PRDM11: variants seen among roughly 807,000 people sequenced by gnomAD.
The protein encoded by PRDM11 is PR/SET domain 11, also known as PR domain-containing protein 11.
PRDM11 carries 20 observed loss-of-function variants against 97.8 expected under a neutral mutation model. That is an observed-to-expected ratio of 0.20 (90% confidence interval 0.14 to 0.30). The LOEUF (loss-of-function observed/expected upper bound fraction) is 0.30. PRDM11 is among the 10% of genes least tolerant of loss of function. The pLI, the probability that PRDM11 is intolerant of heterozygous loss-of-function variation, is 1.00. For missense variants in PRDM11, 1,139 were observed against 1,555.2 expected (o/e 0.73, Z 4.50); for synonymous variants, 599 against 637.7 (o/e 0.94, Z 0.91).
At chr11:45,111,339 A>T (rs572740485) in intron 1 of PRDM11, among the ~76,000 whole-genome samples, 9 of 56,070 alleles carry the variant, frequency 1.6e-4, no homozygotes, top group African/African-American at 3.0e-4. Flanking sequence ...CCTCTATGCC[A>T]AACGGCATTC....
intron 1 of PRDM11, among the ~76,000 whole-genome samples, chr11:45,115,206 TCTTA>T (rs1852275475): frequency 1.3e-5 from 2 of 152,000 alleles, no homozygotes; most frequent in Admixed American, 6.6e-5. Flanking sequence ...AAGCAAAGGT[TCTTA>T]CTTTGATGTG....
intron 1 of PRDM11, among the ~76,000 whole-genome samples, chr11:45,107,723 T>G (rs67712140): frequency 6.6e-6 from 1 of 152,124 alleles, no homozygotes; most frequent in Admixed American, 6.5e-5. Flanking sequence ...TAGTGTTAAA[T>G]GAACTGATAG....
intron 1 of PRDM11, among the ~76,000 whole-genome samples, chr11:45,149,115 G>A (rs1851597790): frequency 6.6e-6 from 1 of 152,134 alleles, no homozygotes; most frequent in Admixed American, 6.5e-5. Flanking sequence ...CCCCAGTGTT[G>A]TAGTCAAGCC....
Position 45,232,038 on chromosome 11 carries a change from A to G in PRDM11, c.*3879A>G, listed in dbSNP as rs1250451204. On this transcript the variant is annotated 3_prime_UTR_variant, in exon 8 of 8. Transcript: ENST00000683152. ...ACCTCAGCCTCTGCCACATGTTTCCAAGTTGAGTTGTTTTGCTGAGGTGGT... is the reference window on the plus strand; with the variant it reads ...ACCTCAGCCTCTGCCACATGTTTCCGAGTTGAGTTGTTTTGCTGAGGTGGT... The G allele has an allele frequency of 6.6e-6, 1 of 152,112 alleles. No individual in the cohort carries two copies. The highest frequency in any genetic ancestry group is 1.9e-4 in the East Asian group (1 of 5,186). 9.4% of individuals were successfully genotyped at this position (152,112 alleles called of 1,614,324 possible).
intron 1 of PRDM11, among the ~76,000 whole-genome samples, chr11:45,114,865 A>G (rs1400044264): frequency 2.0e-5 from 3 of 152,120 alleles, no homozygotes; most frequent in African/African-American, 7.2e-5. Context: ...AAATCCATAA[A>G]CATGGGGAAA....
rs577245261 is a variant in PRDM11 at position 45,219,565 on chromosome 11, AC to A, written c.555-3del. Reference sequence around the variant, plus strand: ...GCGTTCTCACCTGTCTCCCCTCCCCACCAGGTACGTGGTCATCTCCCGGGAG... The same window carrying A: ...GCGTTCTCACCTGTCTCCCCTCCCCACAGGTACGTGGTCATCTCCCGGGAG... On this transcript the variant is annotated splice_polypyrimidine_tract_variant and splice_region_variant and intron_variant, in intron 5 of 7. Coordinates refer to ENST00000683152, the MANE Select transcript of PRDM11 (RefSeq NM_001384648.1). This position sits in a 1 kb window ranked among gnomAD's most constrained non-coding sequence, Gnocchi z 4.2. 337 of 1,611,528 alleles carry A rather than the reference AC, an allele frequency of 2.1e-4. 2 individuals carry two copies. Among genetic ancestry groups the A allele is most frequent in the Admixed American group, 2.1e-3 (124 of 59,958 alleles).
intron 4 of PRDM11, among the ~76,000 whole-genome samples, chr11:45,197,997 G>A (rs1201772225): frequency 6.6e-6 from 1 of 152,136 alleles, no homozygotes; most frequent in Admixed American, 6.5e-5. Context: ...TTGTGCACAT[G>A]TACCCTAGAA....
At chr11:45,206,095 G>T (rs1226829414) in intron 5 of PRDM11, among the ~76,000 whole-genome samples, 1 of 152,162 alleles carries the variant, frequency 6.6e-6, no homozygotes, top group Non-Finnish European at 1.5e-5. Context: ...CGGGGTCCAG[G>T]TCAGCTGAGC....
chr11:45,134,800 G>GTATAA (rs1852804671), intron 1 of PRDM11, among the ~76,000 whole-genome samples: 1 of 148,758 alleles, frequency 6.7e-6, no homozygotes, highest in South Asian at 2.1e-4. Context: ...GCAATTTGAT[G>GTATAA]CAGCAGCATA....
intron 4 of PRDM11, among the ~76,000 whole-genome samples, chr11:45,201,635 A>C (rs928330562): frequency 6.6e-6 from 1 of 152,128 alleles, no homozygotes; most frequent in African/African-American, 2.4e-5. Context: ...CTGGGACCAC[A>C]GGCGTGCACT....
At position 45,181,856 on chromosome 11, in the gene PRDM11, A is replaced by G. The variant is rs1852516585; in HGVS notation, c.90A>G (p.Pro30=). 1 of 1,612,544 alleles carries G rather than the reference A, an allele frequency of 6.2e-7. No homozygotes were observed. Among genetic ancestry groups the G allele is most frequent in the East Asian group, 2.2e-5 (1 of 44,832 alleles). Residue 30 remains proline (P), a synonymous_variant, in exon 2 of 8, where the codon CCA becomes CCG. Coordinates refer to ENST00000683152, the MANE Select transcript of PRDM11 (RefSeq NM_001384648.1). ...TGGTGAAGACGGAGGTCTGCTCACCACTCCGAGACCAGGAGTATGGCCAGC... is the reference window on the plus strand; with the variant it reads ...TGGTGAAGACGGAGGTCTGCTCACCGCTCCGAGACCAGGAGTATGGCCAGC... ...VTVVKTEVCS[P]LRDQEYGQPC...
chr11:45,173,546 C>T lies in PRDM11; in HGVS notation c.-6-8215C>T, dbSNP rs967992382. Among the ~76,000 whole-genome samples, 4 of 150,692 alleles carry T rather than the reference C, an allele frequency of 2.7e-5. No homozygotes were observed. In the East Asian group the frequency reaches 7.9e-4, roughly 30 times the overall value. On this transcript the variant is annotated intron_variant, in intron 1 of 7. Coordinates refer to ENST00000683152, the MANE Select transcript of PRDM11 (RefSeq NM_001384648.1). ...CTGAGGCAGGAGAATCGCTTGAACC[C>T]GGGAGGCGGAGGTTGCAGTGAGCCG...
At chr11:45,221,044 C>T (rs967361518) in intron 6 of PRDM11, among the ~76,000 whole-genome samples, 1 of 152,122 alleles carries the variant, frequency 6.6e-6, no homozygotes, top group Non-Finnish European at 1.5e-5. Flanking sequence ...AATAAATCTT[C>T]ACTTGGAATA....
intron 1 of PRDM11, among the ~76,000 whole-genome samples, chr11:45,155,516 CCAAA>C (rs1048791566): frequency 6.6e-6 from 1 of 152,134 alleles, no homozygotes; most frequent in Non-Finnish European, 1.5e-5. Context: ...CTGTTCCAAC[CCAAA>C]CAGAGTGTCA....
chr11:45,174,845 C>T (rs1852289740), intron 1 of PRDM11, among the ~76,000 whole-genome samples: 1 of 152,210 alleles, frequency 6.6e-6, no homozygotes, highest in African/African-American at 2.4e-5. Flanking sequence ...TCCTCCCAGA[C>T]CCATGTGTAC....
intron 4 of PRDM11, among the ~76,000 whole-genome samples, chr11:45,200,940 A>T (rs1853304548): frequency 6.6e-6 from 1 of 152,180 alleles, no homozygotes; most frequent in South Asian, 2.1e-4. Context: ...TAGACTATCT[A>T]TGCTCATGTA....
At chr11:45,188,213 T>G (rs1852779672) in intron 4 of PRDM11, among the ~76,000 whole-genome samples, 1 of 152,234 alleles carries the variant, frequency 6.6e-6, no homozygotes, top group Non-Finnish European at 1.5e-5. Context: ...GAGCACTTAC[T>G]ATGTGTCTGG....
At chr11:45,221,073 AG>A (rs1854107996) in intron 6 of PRDM11, among the ~76,000 whole-genome samples, 1 of 152,274 alleles carries the variant, frequency 6.6e-6, no homozygotes, top group South Asian at 2.1e-4. Context: ...GAAGATGAAA[AG>A]GGGGTGGGAG....
chr11:45,149,679 C>A (rs181717677), intron 1 of PRDM11, among the ~76,000 whole-genome samples: 1 of 152,242 alleles, frequency 6.6e-6, no homozygotes, highest in Non-Finnish European at 1.5e-5. Flanking sequence ...AGTGCACTTT[C>A]CCTGTGGCAT....
Sources: gnomAD v4.1 joint callset for allele counts (sites outside exome capture counted in the v4.1 genomes callset) on GRCh38, gnomAD v4.1.1 for gene constraint, Gnocchi (gnomAD v3.1) non-coding constraint, MANE v1.5 for transcripts, NCBI Gene and HGNC (gene_info 2026-07-23, HGNC 2026-07-21) for gene names.